The following NUMB variants were observed in gnomAD, a reference collection of about 807,000 sequenced individuals.
The protein encoded by NUMB is NUMB endocytic adaptor protein, also known as protein numb homolog.
Under a neutral mutation model 59.7 loss-of-function variants are expected in NUMB, and 29 were observed. The observed-to-expected ratio is 0.49, with a 90% CI of 0.36 to 0.66. The LOEUF is 0.66. Among genes scored for constraint, NUMB ranks in the 30% least tolerant of loss-of-function variants. The pLI is 0.00. For synonymous variants in NUMB, 288 were observed against 288.2 expected, an observed-to-expected ratio of 1.00 and a Z score of 0.01; for missense variants, 723 against 822.0, an observed-to-expected ratio of 0.88 and a Z score of 1.47.
At chr14:73,403,127 TAAGA>T (rs1896495170) in intron 2 of NUMB, among the ~76,000 whole-genome samples, 1 of 152,180 alleles carries the variant, frequency 6.6e-6, no homozygotes, top group Admixed American at 6.5e-5. Context: ...GAATCACTAA[TAAGA>T]AAGCTTTTCC....
intron 1 of NUMB, among the ~76,000 whole-genome samples, chr14:73,454,292 T>C (rs966270233): frequency 1.3e-5 from 2 of 152,162 alleles, no homozygotes; most frequent in Non-Finnish European, 2.9e-5. Context: ...AATCAAAACC[T>C]GTTACACACA....
At position 73,297,296 on chromosome 14, in the gene NUMB, A is replaced by G; in HGVS notation, c.235-11T>C. 3.8e-6 allele frequency: 6 copies of G among 1,573,066 alleles called. No individual in the cohort carries two copies. The highest frequency in any genetic ancestry group is 5.2e-6 in the Non-Finnish European group (6 of 1,143,808). ...TGCTTTCTTTCCAGTCTTTTAAGAG[A>G]AACCAAAAAGGGGAGGGGGAGATAC... is the stretch of plus-strand genomic sequence containing the variant. On this transcript the variant is annotated splice_polypyrimidine_tract_variant and intron_variant, in intron 6 of 12. Coordinates refer to ENST00000555238, the MANE Select transcript of NUMB (RefSeq NM_001005743.2).
chr14:73,422,258 T>C (rs1015727807), intron 1 of NUMB, among the ~76,000 whole-genome samples: 2 of 152,202 alleles, frequency 1.3e-5, no homozygotes, highest in African/African-American at 2.4e-5. Flanking sequence ...CTCCTGTTCA[T>C]TGAATGTCAA....
intron 4 of NUMB, among the ~76,000 whole-genome samples, chr14:73,353,078 T>C (rs111278586): frequency 0.087 from 2,455 of 28,120 alleles, 216 homozygotes; most frequent in African/African-American, 0.24. Flanking sequence ...TCTTGTTTTT[T>C]TTTTTTTTTT....
intron 4 of NUMB, 111 bp from the exon 5 acceptor site, chr14:73,323,315 AT>A (rs1182642918): frequency 4.5e-6 from 3 of 664,132 alleles, no homozygotes; most frequent in African/African-American, 1.9e-5. Context: ...ATCTGAAAAA[AT>A]TTGAAATCTG....
intron 1 of NUMB, among the ~76,000 whole-genome samples, chr14:73,433,481 T>C (rs181218269): frequency 6.6e-6 from 1 of 152,266 alleles, no homozygotes. Context: ...GGTCCAACAA[T>C]TTTCATCAAC....
At chr14:73,372,308 TA>T (rs1894721328) in intron 2 of NUMB, among the ~76,000 whole-genome samples, 4 of 65,524 alleles carry the variant, frequency 6.1e-5, no homozygotes, top group African/African-American at 3.4e-4. Context: ...ATTTCTTTTA[TA>T]TATATATATA....
intron 2 of NUMB, among the ~76,000 whole-genome samples, chr14:73,388,507 A>G (rs1895668977): frequency 6.6e-6 from 1 of 152,198 alleles, no homozygotes; most frequent in African/African-American, 2.4e-5. Flanking sequence ...TAAAGTTGGT[A>G]TCTTTTTTTT....
At chr14:73,277,796 G>A (rs1340601710) in intron 12 of NUMB, among the ~76,000 whole-genome samples, 2 of 151,728 alleles carry the variant, frequency 1.3e-5, no homozygotes, top group Non-Finnish European at 2.9e-5. Context: ...AGTGGCTTAT[G>A]CCTGTAATCC....
At chr14:73,313,580 A>T (rs1806646303) in intron 6 of NUMB, among the ~76,000 whole-genome samples, 1 of 150,406 alleles carries the variant, frequency 6.6e-6, no homozygotes, top group Admixed American at 6.6e-5. Flanking sequence ...TGTATAAGGC[A>T]TATATAAAAC....
At chr14:73,323,461 G>A (rs1489464419) in intron 4 of NUMB, among the ~76,000 whole-genome samples, 2 of 152,158 alleles carry the variant, frequency 1.3e-5, no homozygotes, top group Middle Eastern at 3.2e-3. Context: ...GTCCTCATAG[G>A]AATAAGATTT....
intron 1 of NUMB, among the ~76,000 whole-genome samples, chr14:73,420,929 T>C (rs1373699176): frequency 6.6e-6 from 1 of 152,106 alleles, no homozygotes; most frequent in Non-Finnish European, 1.5e-5. Context: ...TGTATTAACA[T>C]GTGTACCTGA....
At chr14:73,399,834 AG>A (rs1896323455) in intron 2 of NUMB, among the ~76,000 whole-genome samples, 2 of 152,202 alleles carry the variant, frequency 1.3e-5, no homozygotes, top group African/African-American at 4.8e-5. Context: ...ACTTGAGGTC[AG>A]GAGTTCAAGA....
At chr14:73,317,486 G>A (rs1191719004) in intron 5 of NUMB, among the ~76,000 whole-genome samples, 2 of 152,122 alleles carry the variant, frequency 1.3e-5, no homozygotes, top group East Asian at 1.9e-4. Context: ...ATTTTTAGTA[G>A]AGACAGGGTT....
At chr14:73,309,211 A>G (rs1890630998) in intron 6 of NUMB, among the ~76,000 whole-genome samples, 1 of 152,146 alleles carries the variant, frequency 6.6e-6, no homozygotes, top group Non-Finnish European at 1.5e-5. Context: ...TGCACTTTTA[A>G]AGAATAGGAT....
At chr14:73,448,378 G>T (rs1292181387) in intron 1 of NUMB, among the ~76,000 whole-genome samples, 1 of 151,776 alleles carries the variant, frequency 6.6e-6, no homozygotes, top group African/African-American at 2.4e-5. Context: ...TTATAATAGA[G>T]ATAGGGTCTT....
intron 4 of NUMB, among the ~76,000 whole-genome samples, chr14:73,353,613 G>A (rs747666578): frequency 0.041 from 1,061 of 25,930 alleles, no homozygotes; most frequent in African/African-American, 0.089. Context: ...TCGGGAGGCT[G>A]AGGCAGGAGA....
chr14:73,394,528 C>A (rs1896024922), intron 2 of NUMB, among the ~76,000 whole-genome samples: 1 of 152,128 alleles, frequency 6.6e-6, no homozygotes, highest in Non-Finnish European at 1.5e-5. Context: ...CTGGCCTATG[C>A]CTCCTGAGTA....
chr14:73,363,916 C>T (rs867285414), intron 3 of NUMB, among the ~76,000 whole-genome samples: 5 of 152,074 alleles, frequency 3.3e-5, no homozygotes, highest in African/African-American at 7.2e-5. Flanking sequence ...ACCATTGCAC[C>T]GGACTGGGTG....
Sources: allele counts gnomAD v4.1 joint callset (sites outside exome capture counted in the v4.1 genomes callset), GRCh38; gene constraint gnomAD v4.1.1; transcripts MANE v1.5; gene names NCBI Gene and HGNC (gene_info 2026-07-23, HGNC 2026-07-21).